COL9A3: variants seen among roughly 807,000 people sequenced by gnomAD.
COL9A3 encodes the protein collagen type IX alpha 3 chain.
COL9A3 carries 82 observed loss-of-function variants against 110.2 expected under a neutral mutation model. The ratio of observed to expected loss-of-function variants is 0.74; its 90% CI spans 0.62 to 0.89. The LOEUF (loss-of-function observed/expected upper bound fraction) is 0.89. Among genes scored for constraint, COL9A3 ranks in the 40% least tolerant of loss-of-function variants. The probability of loss-of-function intolerance (pLI) is 0.00; values close to 1 mark genes in which losing one functional copy is unlikely to be tolerated. For synonymous variants in COL9A3, 494 were observed against 403.8 expected (o/e 1.22, Z -2.68); for missense variants, 1,066 against 981.3 (o/e 1.09, Z -1.15).
At chr20:62,822,022 C>A in intron 8 of COL9A3, 89 bp from the exon 9 acceptor site, 2 of 879,432 alleles carry the variant, frequency 2.3e-6, no homozygotes, top group South Asian at 2.6e-5. Context: ...CTGGTGGGAG[C>A]TGGGCGTGTC....
chr20:62,839,188 C>T (rs571866035), intron 31 of COL9A3, among the ~76,000 whole-genome samples: 2 of 151,846 alleles, frequency 1.3e-5, no homozygotes, highest in African/African-American at 2.4e-5. Context: ...GCCAAGATGG[C>T]GCCACTGCCT....
At chr20:62,826,717 C>T (rs759863358) in intron 14 of COL9A3, 50 bp from the exon 15 acceptor site, 2 of 1,602,682 alleles carry the variant, frequency 1.2e-6, no homozygotes, top group South Asian at 1.1e-5. Flanking sequence ...TGGGGGGATG[C>T]CAGCCAGGCC....
rs371665481 is a variant in COL9A3 at position 62,827,858 on chromosome 20, C to G, written c.847-65C>G. The G allele has an allele frequency of 1.9e-6, 3 of 1,558,110 alleles. No individual in the cohort carries two copies. In the East Asian group the frequency reaches 6.7e-5, roughly 35 times the overall value. ...TCCTTGGTGTCCCCGAGCAGCTGGC[C>G]GGAGAATGCGTGAGGCCGTCTGGGA... On this transcript the variant is annotated intron_variant, in intron 16 of 31. Coordinates refer to ENST00000649368, the MANE Select transcript of COL9A3 (RefSeq NM_001853.4).
chr20:62,830,102 T>G (rs972681861), intron 22 of COL9A3, among the ~76,000 whole-genome samples: 2 of 151,992 alleles, frequency 1.3e-5, no homozygotes, highest in Non-Finnish European at 2.9e-5. Flanking sequence ...AGGGCCCTGG[T>G]GGGGGGAGCC....
chr20:62,832,723 G>A, intron 25 of COL9A3: 1 of 261,038 alleles, frequency 3.8e-6, no homozygotes, highest in Admixed American at 6.8e-5. Flanking sequence ...TAGGCACAAG[G>A]CCTTTCCATA....
chr20:62,825,710 G>A (rs2734515), intron 12 of COL9A3, 107 bp from the exon 13 acceptor site: 4 of 1,155,118 alleles, frequency 3.5e-6, no homozygotes, highest in African/African-American at 3.1e-5. Flanking sequence ...AGCTGTGAAG[G>A]GGGCAACACC....
rs553583384 is a variant in COL9A3 at position 62,840,595 on chromosome 20, G to A, written c.1918G>A (p.Glu640Lys). Reference protein sequence around the residue: ...SKDGQDGAPGEPGPPGDPGLP... With the variant: ...SKDGQDGAPGKPGPPGDPGLP... ...GGACGGCCAGGACGGTGCTCCCGGC[G>A]AGCCTGGGCCTCCCGGAGATCCTGG... The change falls in exon 32 of 32, where the codon GAG (glutamate) becomes AAG (lysine). Residue 640 changes from glutamate (E) to lysine (K), a missense_variant. Glu to Lys is a moderately conservative substitution (Grantham distance 56). Transcript: ENST00000649368. 671 of 1,613,108 alleles carry A rather than the reference G, an allele frequency of 4.2e-4. 11 individuals carry two copies. The South Asian group carries it at 6.9e-3, about 17-fold the overall frequency.
At chr20:62,824,827 A>G (rs1568753006) in intron 11 of COL9A3, 141 bp from the exon 12 acceptor site, 2 of 927,096 alleles carry the variant, frequency 2.2e-6, no homozygotes, top group Non-Finnish European at 3.4e-6. Context: ...CAGTTTCCCC[A>G]TGAGGGCCCA....
chr20:62,834,934 C>G (rs969304418), intron 26 of COL9A3, among the ~76,000 whole-genome samples: 5 of 152,254 alleles, frequency 3.3e-5, no homozygotes, highest in Non-Finnish European at 1.5e-5. Context: ...CCACCTCGCC[C>G]AGCCCATTTA....
chr20:62,829,523 C>G (rs13041287), intron 20 of COL9A3, 24 bp downstream of exon 20: 1 of 1,611,618 alleles, frequency 6.2e-7, no homozygotes, highest in African/African-American at 1.3e-5. Flanking sequence ...GCCGCTTTCT[C>G]TCTGGGAGGG....
At chr20:62,824,660 AG>A (rs2063536392) in intron 11 of COL9A3, among the ~76,000 whole-genome samples, 159 bp downstream of exon 11, 1 of 152,196 alleles carries the variant, frequency 6.6e-6, no homozygotes, top group African/African-American at 2.4e-5. Flanking sequence ...TCCCGCCTTC[AG>A]CACCCCAGTG....
In COL9A3 at chr20:62,835,936, G is replaced by C. The variant is rs1211744164; in HGVS notation, c.1384G>C (p.Val462Leu). 2 of 1,614,152 alleles carry C rather than the reference G, an allele frequency of 1.2e-6. No individual in the cohort carries two copies. The highest frequency in any genetic ancestry group is 1.7e-5 in the Admixed American group (1 of 60,034). ...CTCTTCACAGGGTCCCAGCGGCCTGGTCGGACCCAAAGGAGAGGTGAGTGC... is the reference window on the plus strand; with the variant it reads ...CTCTTCACAGGGTCCCAGCGGCCTGCTCGGACCCAAAGGAGAGGTGAGTGC... ...DKGELGPSGL[V>L]GPKGESGSRG... Residue 462 changes from valine (V) to leucine (L), a missense_variant, in exon 27 of 32, where the codon GTC becomes CTC. By Grantham distance (32) the Val-to-Leu change is conservative (BLOSUM62 1). Transcript: ENST00000649368.
rs1437151489 is a variant in COL9A3, at chr20:62,826,770, C to T, written c.742C>T (p.Pro248Ser). Residue 248 changes from proline to serine, a missense_variant, in exon 15 of 32, where the codon CCC (proline) becomes TCC (serine). Pro to Ser is a moderately conservative substitution (Grantham distance 74). Coordinates refer to ENST00000649368, the MANE Select transcript of COL9A3 (RefSeq NM_001853.4). Reference sequence around the variant, plus strand: ...GGATCCCCTCTCTCCTCTGCAGGGTCCCATTGGGTTCCGAGGGCCGCCTGG... The same window carrying T: ...GGATCCCCTCTCTCCTCTGCAGGGTTCCATTGGGTTCCGAGGGCCGCCTGG... ...GPLGPPGDRG[P>S]IGFRGPPGIP... 6.2e-7 allele frequency: 1 copy of T among 1,612,734 alleles called. No individual in the cohort carries two copies. Among genetic ancestry groups the T allele is most frequent in the Admixed American group, 1.7e-5 (1 of 60,008 alleles).
At position 62,822,686 on chromosome 20, in the gene COL9A3, G is replaced by T; in HGVS notation, c.519+54G>T. On this transcript the variant is annotated intron_variant, in intron 10 of 31. Coordinates refer to ENST00000649368, the MANE Select transcript of COL9A3 (RefSeq NM_001853.4). Reference sequence around the variant, plus strand: ...TGCTGGGGGGTGCCTACCTTGGGGGGAGGGGTTCTGGCCTGGAGAGGGGCT... The same window carrying T: ...TGCTGGGGGGTGCCTACCTTGGGGGTAGGGGTTCTGGCCTGGAGAGGGGCT... 3 of 1,583,050 alleles carry T rather than the reference G, an allele frequency of 1.9e-6. No homozygotes were observed. In the South Asian group the frequency reaches 3.3e-5, roughly 17 times the overall value.
intron 10 of COL9A3, 125 bp from the exon 11 acceptor site, chr20:62,824,320 A>C: frequency 1.0e-6 from 1 of 967,888 alleles, no homozygotes; most frequent in East Asian, 2.6e-5. Context: ...CACCATGAGG[A>C]GTGGCCTCCC....
chr20:62,827,180 C>A, intron 15 of COL9A3, 61 bp from the exon 16 acceptor site: 4 of 1,586,638 alleles, frequency 2.5e-6, no homozygotes, highest in Non-Finnish European at 3.5e-6. Flanking sequence ...GGGCCCCCGT[C>A]CTACTCTCCG....
In COL9A3 at chr20:62,827,340, C is replaced by T. The variant is rs1347426516; in HGVS notation, c.846+46C>T. The stretch of plus-strand genomic sequence containing the variant: ...TTCCCTGGGTCCTTATGTGGAAGAA[C>T]CCAATTTCCCTCCTGACTCGTGCTG... On this transcript the variant is annotated intron_variant, in intron 16 of 31. Coordinates refer to ENST00000649368, the MANE Select transcript of COL9A3 (RefSeq NM_001853.4). 7 of 1,588,938 alleles carry T rather than the reference C, an allele frequency of 4.4e-6. No homozygotes were observed. The South Asian group carries it at 7.7e-5, about 18-fold the overall frequency.
At position 62,837,181 on chromosome 20, in the gene COL9A3, C is replaced by T. The variant is rs2063643498; in HGVS notation, c.1702C>T (p.Pro568Ser). 3 of 1,612,904 alleles carry T rather than the reference C, an allele frequency of 1.9e-6. No homozygotes were observed. Among genetic ancestry groups the T allele is most frequent in the Non-Finnish European group, 1.7e-6 (2 of 1,179,930 alleles). The change falls in exon 30 of 32, where the codon CCA becomes TCA. Residue 568 changes from proline to serine, a missense_variant. Transcript: ENST00000649368. ...TGGCCCCCCTGGGCCCCCAGGACCC[C>T]CAGGCTCCATTGGTCACCCTGGCGC... ...PAGPPGPPGP[P>S]GSIGHPGARG... is the part of the protein sequence containing the mutation.
chr20:62,830,982 G>A (rs142339039), intron 24 of COL9A3, among the ~76,000 whole-genome samples: 115 of 151,786 alleles, frequency 7.6e-4, no homozygotes, highest in African/African-American at 2.6e-3. Context: ...AGCCTGGGCC[G>A]CTCTGCCTCC....
Sources: allele counts gnomAD v4.1 joint callset (sites outside exome capture counted in the v4.1 genomes callset), GRCh38; gene constraint gnomAD v4.1.1; transcripts MANE v1.5; gene names NCBI Gene and HGNC (gene_info 2026-07-23, HGNC 2026-07-21).